PRKD3: variants seen among roughly 807,000 people sequenced by gnomAD.
The protein encoded by PRKD3 is serine/threonine-protein kinase D3.
Under a neutral mutation model 99.2 loss-of-function variants are expected in PRKD3, and 47 were observed. That is an observed-to-expected ratio of 0.47 (90% CI 0.38 to 0.60). PRKD3 has a LOEUF of 0.60. Among genes scored for constraint, PRKD3 ranks in the 20% least tolerant of loss-of-function variants. The pLI is 0.00. For missense variants in PRKD3, 1,019 were observed against 1,088.4 expected, an observed-to-expected ratio of 0.94 and a Z score of 0.90; for synonymous variants, 392 against 355.4, an observed-to-expected ratio of 1.10 and a Z score of -1.16.
chr2:37,285,572 G>T (rs992824213), intron 6 of PRKD3, among the ~76,000 whole-genome samples: 1 of 151,828 alleles, frequency 6.6e-6, no homozygotes, highest in Admixed American at 6.5e-5. Flanking sequence ...ATATGTGTGT[G>T]TAATAAATGT....
chr2:37,286,299 A>G lies in PRKD3; in HGVS notation c.788T>C (p.Met263Thr). 6.2e-7 allele frequency: 1 copy of G among 1,614,142 alleles called. No homozygotes were observed. The highest frequency in any genetic ancestry group is 8.5e-7 in the Non-Finnish European group (1 of 1,179,974). Residue 263 changes from methionine (M) to threonine (T), a missense_variant, in exon 6 of 19, where the codon ATG becomes ACG. Transcript: ENST00000234179. ...WSGRPIWMEK[M>T]VMCRVKVPHT... ...TGGAACTTTCACTCTGCACATTACC[A>G]TCTTTTCCATCCAGATTGGGCGACC...
At chr2:37,299,213 G>T (rs1670804613) in intron 2 of PRKD3, among the ~76,000 whole-genome samples, 1 of 151,998 alleles carries the variant, frequency 6.6e-6, no homozygotes, top group Non-Finnish European at 1.5e-5. Flanking sequence ...TCACTCTGTT[G>T]ACGTGACATA....
At chr2:37,293,641 T>C (rs945378972) in intron 2 of PRKD3, among the ~76,000 whole-genome samples, 3 of 152,202 alleles carry the variant, frequency 2.0e-5, no homozygotes, top group African/African-American at 7.2e-5. Context: ...GCTCTAAATA[T>C]TTCAAAATTC....
intron 11 of PRKD3, among the ~76,000 whole-genome samples, chr2:37,273,681 C>T (rs754136367): frequency 6.6e-6 from 1 of 152,120 alleles, no homozygotes; most frequent in Non-Finnish European, 1.5e-5. Context: ...CAAAATAATA[C>T]AGCTAAACTA....
intron 12 of PRKD3, among the ~76,000 whole-genome samples, chr2:37,270,494 CTTTT>C (rs775949770): frequency 2.4e-4 from 36 of 151,242 alleles, no homozygotes; most frequent in Non-Finnish European, 4.9e-4. Flanking sequence ...GCCCCCTTCC[CTTTT>C]TTTTTCTTCT....
At chr2:37,279,963 T>C (rs1278455628) in intron 7 of PRKD3, 34 bp from the exon 8 acceptor site, 3 of 1,448,718 alleles carry the variant, frequency 2.1e-6, no homozygotes, top group East Asian at 2.3e-5. Context: ...CAGAGTTTTA[T>C]ATTAATAGAG....
At chr2:37,309,121 TAAG>T (rs1295882257) in intron 2 of PRKD3, among the ~76,000 whole-genome samples, 3 of 152,164 alleles carry the variant, frequency 2.0e-5, no homozygotes, top group Non-Finnish European at 4.4e-5. Flanking sequence ...TTCAGGAACA[TAAG>T]AAGACGCATT....
chr2:37,305,135 GTTTT>G (rs1216846727), intron 2 of PRKD3, among the ~76,000 whole-genome samples: 3 of 151,734 alleles, frequency 2.0e-5, no homozygotes, highest in Admixed American at 2.0e-4. Context: ...TGACAACTGG[GTTTT>G]TTTTGACAAC....
chr2:37,275,065 G>A (rs1423564237), intron 10 of PRKD3, among the ~76,000 whole-genome samples: 1 of 152,146 alleles, frequency 6.6e-6, no homozygotes, highest in Non-Finnish European at 1.5e-5. Context: ...CCCAAAGCAA[G>A]TAAGAAGCAG....
At chr2:37,297,963 G>GT (rs1670747257) in intron 2 of PRKD3, among the ~76,000 whole-genome samples, 1 of 152,126 alleles carries the variant, frequency 6.6e-6, no homozygotes, top group Non-Finnish European at 1.5e-5. Context: ...GGAAAGGTTT[G>GT]TTTGTTTCCT....
At chr2:37,313,983 G>A (rs910288374) in intron 2 of PRKD3, among the ~76,000 whole-genome samples, 2 of 152,110 alleles carry the variant, frequency 1.3e-5, no homozygotes, top group African/African-American at 4.8e-5. Context: ...ATCAAAGGCT[G>A]TAAAAGTCCC....
intron 6 of PRKD3, among the ~76,000 whole-genome samples, chr2:37,283,219 A>G (rs1669935421): frequency 6.6e-6 from 1 of 152,228 alleles, no homozygotes; most frequent in Non-Finnish European, 1.5e-5. Context: ...GTCCCAGATC[A>G]GCTTCATTAG....
At position 37,251,366 on chromosome 2, in the gene PRKD3, TACTA is replaced by T. The variant is rs958190482; in HGVS notation, c.*1807_*1810del. The T allele has an allele frequency of 2.6e-5, 4 of 152,724 alleles. No individual in the cohort carries two copies. Among genetic ancestry groups the T allele is most frequent in the East Asian group, 1.9e-4 (1 of 5,178 alleles). 9.5% of individuals were successfully genotyped at this position (152,724 alleles called of 1,614,324 possible). Reference sequence around the variant, plus strand: ...GAGCCATACTACTGGTCTCAAATACTACTAACTGTTTGAAATTTGGCAGTAAGTT... The same window carrying T: ...GAGCCATACTACTGGTCTCAAATACTACTGTTTGAAATTTGGCAGTAAGTT... On this transcript the variant is annotated 3_prime_UTR_variant, in exon 19 of 19. Transcript: ENST00000234179.
intron 2 of PRKD3, 106 bp downstream of exon 2, chr2:37,316,131 T>C: frequency 8.4e-7 from 1 of 1,196,026 alleles, no homozygotes; most frequent in Non-Finnish European, 1.2e-6. Flanking sequence ...ATGCACAGAA[T>C]AAACTACTGA....
chr2:37,294,003 G>A (rs948602437), intron 2 of PRKD3, among the ~76,000 whole-genome samples: 3 of 152,136 alleles, frequency 2.0e-5, no homozygotes, highest in African/African-American at 7.2e-5. Context: ...GATCTTATGG[G>A]ATGTGTTTTA....
rs1667988749 is a variant in PRKD3, at chr2:37,256,791, C to G, written c.2284G>C (p.Val762Leu). 4.3e-6 allele frequency: 7 copies of G among 1,614,046 alleles called. No individual in the cohort carries two copies. The highest frequency in any genetic ancestry group is 5.1e-6 in the Non-Finnish European group (6 of 1,180,014). The change falls in exon 17 of 19, where the codon GTG (valine) becomes CTG (leucine). Residue 762 changes from valine (V) to leucine (L), a missense_variant. Physicochemically the swap from Val to Leu is conservative, Grantham distance 32. Around this residue, in one of 3 missense-constraint regions of PRKD3, gnomAD observed 184 missense variants for 275.1 expected, o/e 0.67. Transcript: ENST00000234179. Reference sequence around the variant, plus strand: ...AGGCTCACATAGATGATAACTCCCACTGACCACATATCTAGGGAACGGTTG... The same window carrying G: ...AGGCTCACATAGATGATAACTCCCAGTGACCACATATCTAGGGAACGGTTG... Reference protein sequence around the residue: ...GYNRSLDMWSVGVIIYVSLSG... With the variant: ...GYNRSLDMWSLGVIIYVSLSG...
intron 2 of PRKD3, among the ~76,000 whole-genome samples, chr2:37,311,679 T>C (rs1452503696): frequency 1.3e-5 from 2 of 152,222 alleles, no homozygotes; most frequent in Non-Finnish European, 2.9e-5. Context: ...TTTCAGTATG[T>C]GGAAAATAAG....
chr2:37,269,986 G>C (rs564833719), intron 12 of PRKD3, among the ~76,000 whole-genome samples: 2 of 152,174 alleles, frequency 1.3e-5, no homozygotes, highest in African/African-American at 4.8e-5. Flanking sequence ...CCAGCACTTT[G>C]GGAGGCTGAG....
intron 1 of PRKD3, among the ~76,000 whole-genome samples, chr2:37,318,561 G>C (rs1445380463): frequency 6.6e-6 from 1 of 152,158 alleles, no homozygotes; most frequent in Non-Finnish European, 1.5e-5. Context: ...CTGCTCAGAG[G>C]ATGTTGCTAA....
Sources: gnomAD v4.1 joint callset for allele counts (sites outside exome capture counted in the v4.1 genomes callset) on GRCh38, gnomAD v4.1.1 for gene constraint, gnomAD v4.1.1 regional missense constraint, MANE v1.5 for transcripts, NCBI Gene and HGNC (gene_info 2026-07-23, HGNC 2026-07-21) for gene names.